Variants in PCBP3 observed in about 807,000 individuals in gnomAD.
PCBP3 encodes poly(rC) binding protein 3.
PCBP3 carries 25 observed loss-of-function variants against 52.7 expected under a neutral mutation model. The ratio of observed to expected loss-of-function variants is 0.47; its 90% CI spans 0.35 to 0.66. The LOEUF is 0.66. Ranked by LOEUF, PCBP3 falls within the 30% of genes least tolerant of loss-of-function variation. The pLI is 0.01. For missense variants in PCBP3, 391 were observed against 490.3 expected (o/e 0.80, Z 1.91); for synonymous variants, 162 against 183.0 (o/e 0.89, Z 0.93).
At position 45,731,341 on chromosome 21, in the gene PCBP3, T is replaced by C. The variant is rs980723053; in HGVS notation, c.-199-4051T>C. 3.3e-5 allele frequency among the ~76,000 whole-genome samples: 5 copies of C among 152,210 alleles called. No homozygotes were observed. In the East Asian group the frequency reaches 9.6e-4, roughly 29 times the overall value. On this transcript the variant is annotated intron_variant, in intron 2 of 17. Coordinates refer to ENST00000681687, the MANE Select transcript of PCBP3 (RefSeq NM_001384156.1). ...TGAACAACGCTGAAAACACCGTTTT[T>C]AGGCTCGTTAGCTGAATCATTGTGT... is the stretch of plus-strand genomic sequence containing the variant.
At chr21:45,922,208 A>G (rs986708472) in intron 13 of PCBP3, among the ~76,000 whole-genome samples, 1 of 152,184 alleles carries the variant, frequency 6.6e-6, no homozygotes, top group Non-Finnish European at 1.5e-5. Context: ...ACAGCGGGGA[A>G]GTTACACCAG....
intron 13 of PCBP3, among the ~76,000 whole-genome samples, chr21:45,927,084 C>A (rs1468691247): frequency 2.0e-5 from 3 of 151,998 alleles, no homozygotes; most frequent in African/African-American, 7.3e-5. Context: ...GTGCTGGGGG[C>A]CTGTTTCTTG....
Position 45,827,646 on chromosome 21 carries a change from A to T in PCBP3, c.-125-22315A>T, listed in dbSNP as rs2093342672. On this transcript the variant is annotated intron_variant, in intron 4 of 17. Coordinates refer to ENST00000681687, the MANE Select transcript of PCBP3 (RefSeq NM_001384156.1). This position sits in a 1 kb window ranked among gnomAD's most constrained non-coding sequence, Gnocchi z 4.3. ...ACCAGAATTTAGAAATTCACATTGTACACTGTGATGTATGCAGTTTTATGT... is the reference window on the plus strand; with the variant it reads ...ACCAGAATTTAGAAATTCACATTGTTCACTGTGATGTATGCAGTTTTATGT... Among the ~76,000 whole-genome samples the T allele has an allele frequency of 2.0e-5, 3 of 152,374 alleles. No individual in the cohort carries two copies. In the South Asian group the frequency reaches 6.2e-4, roughly 32 times the overall value.
chr21:45,914,202 C>A, intron 12 of PCBP3, 177 bp downstream of exon 12: 1 of 1,050,868 alleles, frequency 9.5e-7, no homozygotes, highest in Non-Finnish European at 1.4e-6. Context: ...AGGGGGCCTT[C>A]AGAGCGGCAT....
At chr21:45,809,978 A>G (rs180965495) in intron 4 of PCBP3, among the ~76,000 whole-genome samples, 31 of 152,354 alleles carry the variant, frequency 2.0e-4, no homozygotes, top group African/African-American at 7.0e-4. Context: ...CTGAAGGATC[A>G]AGCACATCAA....
chr21:45,786,733 G>A (rs1379825963), intron 4 of PCBP3, among the ~76,000 whole-genome samples: 2 of 152,222 alleles, frequency 1.3e-5, no homozygotes, highest in Admixed American at 1.3e-4. Context: ...TGGGAAACCT[G>A]AGACATGATG....
intron 16 of PCBP3, among the ~76,000 whole-genome samples, chr21:45,938,072 G>A (rs1004576800): frequency 6.6e-6 from 1 of 152,202 alleles, no homozygotes; most frequent in African/African-American, 2.4e-5. Context: ...GCAGGAGGGG[G>A]ATGCGTGCCA....
intron 4 of PCBP3, among the ~76,000 whole-genome samples, chr21:45,831,673 G>T (rs1171513803): frequency 6.6e-6 from 1 of 152,102 alleles, no homozygotes; most frequent in Non-Finnish European, 1.5e-5. Flanking sequence ...ACACAAGAAA[G>T]AATTCAGGGC....
intron 2 of PCBP3, among the ~76,000 whole-genome samples, chr21:45,729,080 CT>C (rs1464881247): frequency 2.0e-5 from 3 of 152,236 alleles, no homozygotes; most frequent in Non-Finnish European, 2.9e-5. Flanking sequence ...TGGTCTCCCC[CT>C]GTCCTTATGC....
intron 4 of PCBP3, among the ~76,000 whole-genome samples, chr21:45,757,043 TGTAGAA>T (rs1187764555): frequency 1.3e-5 from 2 of 152,254 alleles, no homozygotes; most frequent in Admixed American, 1.3e-4. Flanking sequence ...TGAGTTTATA[TGTAGAA>T]GTAGAAGTGT....
rs1450278486 is a variant in PCBP3 at position 45,656,389 on chromosome 21, A to G, written c.-278-12485A>G. Among the ~76,000 whole-genome samples the G allele has an allele frequency of 2.0e-5, 3 of 152,174 alleles. No individual in the cohort carries two copies. Among genetic ancestry groups the G allele is most frequent in the East Asian group, 3.9e-4 (2 of 5,194 alleles). ...ACCATCATTCTCAGCAAACTAACAC[A>G]AGAACAGAAAACCAAACACCGCATG... On this transcript the variant is annotated intron_variant, in intron 1 of 17. Transcript: ENST00000681687. The surrounding 1 kb of genome is among the most constrained non-coding windows in gnomAD (Gnocchi z 4.3).
intron 2 of PCBP3, among the ~76,000 whole-genome samples, chr21:45,711,478 T>C (rs1377168746): frequency 6.6e-6 from 1 of 152,220 alleles, no homozygotes; most frequent in Non-Finnish European, 1.5e-5. Flanking sequence ...AGAAACTGGT[T>C]TGCACCATCC....
intron 13 of PCBP3, among the ~76,000 whole-genome samples, chr21:45,921,787 C>T (rs1177558347): frequency 6.6e-6 from 1 of 150,478 alleles, no homozygotes. Context: ...CCTCTGCACT[C>T]CAGCCTGGGC....
chr21:45,839,369 T>G (rs2093652578), intron 4 of PCBP3, among the ~76,000 whole-genome samples: 1 of 152,240 alleles, frequency 6.6e-6, no homozygotes, highest in South Asian at 2.1e-4. Context: ...CTCCATCATT[T>G]AGTCCTAGTT....
At chr21:45,681,146 C>T (rs983806219) in intron 2 of PCBP3, among the ~76,000 whole-genome samples, 1 of 152,198 alleles carries the variant, frequency 6.6e-6, no homozygotes, top group African/African-American at 2.4e-5. Context: ...AATCACTTCC[C>T]AGAAGGTGCC....
intron 2 of PCBP3, among the ~76,000 whole-genome samples, chr21:45,695,522 G>C (rs940481792): frequency 6.6e-6 from 1 of 152,158 alleles, no homozygotes; most frequent in Non-Finnish European, 1.5e-5. Context: ...CTGAATCTCA[G>C]ACTTGTTAGA....
At chr21:45,890,561 G>A (rs1481465356) in intron 5 of PCBP3, among the ~76,000 whole-genome samples, 1 of 151,304 alleles carries the variant, frequency 6.6e-6, no homozygotes, top group South Asian at 2.1e-4. Context: ...TTGCTGAGGG[G>A]AATGTAGATA....
chr21:45,702,829 C>T (rs2083215104), intron 2 of PCBP3, among the ~76,000 whole-genome samples: 1 of 152,216 alleles, frequency 6.6e-6, no homozygotes, highest in South Asian at 2.1e-4. Flanking sequence ...AGCCTTTCAC[C>T]ACGGTATAAC....
chr21:45,786,708 C>T (rs981889081), intron 4 of PCBP3, among the ~76,000 whole-genome samples: 2 of 152,120 alleles, frequency 1.3e-5, no homozygotes, highest in Non-Finnish European at 2.9e-5. Flanking sequence ...TGGTATGTTC[C>T]TGTTGTTTAG....
Sources: gnomAD v4.1 joint callset for allele counts (sites outside exome capture counted in the v4.1 genomes callset) on GRCh38, gnomAD v4.1.1 for gene constraint, Gnocchi (gnomAD v3.1) non-coding constraint, MANE v1.5 for transcripts, NCBI Gene and HGNC (gene_info 2026-07-23, HGNC 2026-07-21) for gene names.